The following FAM135B variants were observed in gnomAD, a reference collection of about 807,000 sequenced individuals.
The protein encoded by FAM135B is protein FAM135B.
A neutral mutation model predicts 127.7 loss-of-function variants in FAM135B; 43 were observed. That is an observed-to-expected ratio of 0.34 (90% confidence interval 0.26 to 0.43). The LOEUF (loss-of-function observed/expected upper bound fraction) is 0.43, where lower values mean the gene tolerates loss of function less well. FAM135B is among the 20% of genes least tolerant of loss of function. FAM135B has a pLI of 1.00. For synonymous variants in FAM135B, 670 were observed against 665.1 expected (o/e 1.01, Z -0.11); for missense variants, 1,558 against 1,725.6 (o/e 0.90, Z 1.72).
intron 8 of FAM135B, 82 bp downstream of exon 8, chr8:138,197,434 G>T: frequency 6.6e-7 from 1 of 1,512,402 alleles, no homozygotes; most frequent in Non-Finnish European, 9.0e-7. Context: ...ATTTACAAAA[G>T]CATGCCAGCT....
chr8:138,222,688 T>G (rs538913970), intron 7 of FAM135B, among the ~76,000 whole-genome samples: 41 of 150,350 alleles, frequency 2.7e-4, no homozygotes, highest in Middle Eastern at 3.4e-3. Context: ...GTTTTTTTTT[T>G]TTTTTTTTTT....
intron 2 of FAM135B, among the ~76,000 whole-genome samples, chr8:138,353,745 T>TA (rs2131134766): frequency 6.6e-6 from 1 of 152,042 alleles, no homozygotes; most frequent in East Asian, 1.9e-4. Context: ...AGTGAGTTGA[T>TA]ACAGTAAAAA....
chr8:138,215,391 G>A (rs1362410739), intron 7 of FAM135B, among the ~76,000 whole-genome samples: 1 of 152,156 alleles, frequency 6.6e-6, no homozygotes, highest in Non-Finnish European at 1.5e-5. Context: ...TTGAAAGTAT[G>A]GACTCTGATC....
At chr8:138,279,460 C>T (rs1586952595) in intron 3 of FAM135B, among the ~76,000 whole-genome samples, 1 of 152,204 alleles carries the variant, frequency 6.6e-6, no homozygotes, top group African/African-American at 2.4e-5. Flanking sequence ...CTCTTAAATG[C>T]TACCTCTTCT....
At chr8:138,468,465 G>A (rs540743776) in intron 1 of FAM135B, among the ~76,000 whole-genome samples, 1 of 152,178 alleles carries the variant, frequency 6.6e-6, no homozygotes, top group East Asian at 1.9e-4. Flanking sequence ...ATTTCATTAT[G>A]AGTTTATCAC....
Position 138,141,136 on chromosome 8 carries a change from G to T in FAM135B, c.3790+62C>A. The T allele has an allele frequency of 6.4e-7, 1 of 1,551,810 alleles. No homozygotes were observed. The highest frequency in any genetic ancestry group is 8.8e-7 in the Non-Finnish European group (1 of 1,131,894). Reference sequence around the variant, plus strand: ...TTCCAAGTGGAAGTACCTGTGCCCGGTTTCACGCCCCAGAGGCCCCAGATT... The same window carrying T: ...TTCCAAGTGGAAGTACCTGTGCCCGTTTTCACGCCCCAGAGGCCCCAGATT... On this transcript the variant is annotated intron_variant, in intron 17 of 19. Coordinates refer to ENST00000395297, the MANE Select transcript of FAM135B (RefSeq NM_015912.4). The surrounding 1 kb of genome is among the most constrained non-coding windows in gnomAD (Gnocchi z 4.7).
chr8:138,356,286 G>GAATA (rs111769204), intron 2 of FAM135B, among the ~76,000 whole-genome samples: 1 of 151,512 alleles, frequency 6.6e-6, no homozygotes, highest in Non-Finnish European at 1.5e-5. Context: ...GAGAGAGAAA[G>GAATA]AGAGAGCCAG....
intron 2 of FAM135B, among the ~76,000 whole-genome samples, chr8:138,322,290 G>A (rs1340479029): frequency 6.6e-6 from 1 of 152,172 alleles, no homozygotes; most frequent in Non-Finnish European, 1.5e-5. Flanking sequence ...CACCTGACAA[G>A]TGTGGTGCCT....
At chr8:138,445,785 T>C (rs1288140776) in intron 1 of FAM135B, among the ~76,000 whole-genome samples, 1 of 152,144 alleles carries the variant, frequency 6.6e-6, no homozygotes, top group Non-Finnish European at 1.5e-5. Flanking sequence ...TTCAACATAG[T>C]GTTGGAAGTT....
chr8:138,222,519 G>C (rs1819102343), intron 7 of FAM135B, among the ~76,000 whole-genome samples: 4 of 152,066 alleles, frequency 2.6e-5, no homozygotes, highest in Admixed American at 2.0e-4. Context: ...CAAAGTTACT[G>C]AATATATTAA....
intron 15 of FAM135B, among the ~76,000 whole-genome samples, 183 bp downstream of exon 15, chr8:138,145,776 G>T (rs935945499): frequency 6.6e-6 from 1 of 152,040 alleles, no homozygotes; most frequent in African/African-American, 2.4e-5. Context: ...ATTTCTTACC[G>T]TTTCCTCTCC....
Position 138,373,747 on chromosome 8 carries a change from G to T in FAM135B, c.-19-5745C>A, listed in dbSNP as rs559136337. On this transcript the variant is annotated intron_variant, in intron 1 of 19. Coordinates refer to ENST00000395297, the MANE Select transcript of FAM135B (RefSeq NM_015912.4). ...GTGAGTCTCTAAAATGGCCCCCTTG[G>T]GTGTGGCCGTCTTCTATGGTCGAGA... 2.0e-5 allele frequency among the ~76,000 whole-genome samples: 3 copies of T among 152,024 alleles called. No homozygotes were observed. The South Asian group carries it at 6.3e-4, about 32-fold the overall frequency.
At chr8:138,231,542 T>C (rs1283478165) in intron 7 of FAM135B, among the ~76,000 whole-genome samples, 1 of 152,220 alleles carries the variant, frequency 6.6e-6, no homozygotes, top group Non-Finnish European at 1.5e-5. Context: ...ATTTCTCTGA[T>C]GACTCCGTGC....
At chr8:138,195,053 T>C in intron 9 of FAM135B, among the ~76,000 whole-genome samples, 1 of 152,240 alleles carries the variant, frequency 6.6e-6, no homozygotes, top group East Asian at 1.9e-4. Flanking sequence ...TGTTTAGTTT[T>C]TCCAAAATAT....
chr8:138,404,325 T>C (rs937658247), intron 1 of FAM135B, among the ~76,000 whole-genome samples: 3 of 152,186 alleles, frequency 2.0e-5, no homozygotes, highest in Non-Finnish European at 2.9e-5. Context: ...TAAAAAATTA[T>C]AATAATCATC....
chr8:138,271,282 T>C (rs111355341), intron 3 of FAM135B, among the ~76,000 whole-genome samples: 8 of 152,188 alleles, frequency 5.3e-5, no homozygotes, highest in Non-Finnish European at 1.2e-4. Context: ...TATTTCTATC[T>C]CAAAGAATAT....
intron 1 of FAM135B, among the ~76,000 whole-genome samples, chr8:138,375,579 C>T (rs1407065545): frequency 6.6e-6 from 1 of 152,128 alleles, no homozygotes; most frequent in Non-Finnish European, 1.5e-5. Context: ...TCAGACCCAG[C>T]CCTTCCATAA....
intron 1 of FAM135B, among the ~76,000 whole-genome samples, chr8:138,493,552 G>A (rs1277685907): frequency 6.6e-6 from 1 of 152,124 alleles, no homozygotes; most frequent in Non-Finnish European, 1.5e-5. Context: ...ATCTTGAAAG[G>A]TGGCTATCAT....
intron 9 of FAM135B, among the ~76,000 whole-genome samples, chr8:138,188,174 A>C (rs1291957267): frequency 2.6e-5 from 4 of 152,212 alleles, no homozygotes; most frequent in African/African-American, 9.6e-5. Context: ...GTGCATCAGC[A>C]CTCTTTGCAA....
Sources: gnomAD v4.1 joint callset for allele counts (sites outside exome capture counted in the v4.1 genomes callset) on GRCh38, gnomAD v4.1.1 for gene constraint, Gnocchi (gnomAD v3.1) non-coding constraint, MANE v1.5 for transcripts, NCBI Gene and HGNC (gene_info 2026-07-23, HGNC 2026-07-21) for gene names.